The following HTR4 variants were observed in gnomAD, a reference collection of about 807,000 sequenced individuals.
HTR4 encodes the protein 5-hydroxytryptamine receptor 4, also known as 5-hydroxytryptamine (serotonin) receptor 4, G protein-coupled.
Under a neutral mutation model 36.8 loss-of-function variants are expected in HTR4, and 16 were observed. The observed-to-expected ratio is 0.43, with a 90% confidence interval of 0.29 to 0.66. The LOEUF is 0.66. HTR4 is among the 30% of genes least tolerant of loss of function. The pLI, the probability that HTR4 is intolerant of heterozygous loss-of-function variation, is 0.13. For missense variants in HTR4, 438 were observed against 490.9 expected, an observed-to-expected ratio of 0.89 and a Z score of 1.02; for synonymous variants, 189 against 185.1, an observed-to-expected ratio of 1.02 and a Z score of -0.17.
intron 6 of HTR4, among the ~76,000 whole-genome samples, chr5:148,507,460 A>G (rs1757279055): frequency 6.6e-6 from 1 of 151,808 alleles, no homozygotes; most frequent in Non-Finnish European, 1.5e-5. Flanking sequence ...CCAACATGGC[A>G]CATGTATACA....
At chr5:148,630,501 T>C (rs184535594) in intron 2 of HTR4, 2 of 152,290 alleles carry the variant, frequency 1.3e-5, no homozygotes, top group East Asian at 3.9e-4. Flanking sequence ...TATTGAAGGT[T>C]TTCTGTCATC....
Position 148,542,933 on chromosome 5 carries a change from C to T in HTR4, c.353+5735G>A, listed in dbSNP as rs534645653. Among the ~76,000 whole-genome samples the T allele has an allele frequency of 4.6e-5, 7 of 152,266 alleles. No individual in the cohort carries two copies. In the South Asian group the frequency reaches 1.5e-3, roughly 32 times the overall value. On this transcript the variant is annotated intron_variant, in intron 4 of 6. Transcript: ENST00000377888. ...TCCAGTGAGAACTGCTATTTCTTCA[C>T]ACCATATGTTTTTGGTAAAGCTGGG...
At chr5:148,525,806 G>A (rs1344307097) in intron 4 of HTR4, among the ~76,000 whole-genome samples, 1 of 152,192 alleles carries the variant, frequency 6.6e-6, no homozygotes, top group African/African-American at 2.4e-5. Context: ...CCAACTCTCA[G>A]TAACCTTGGA....
At chr5:148,634,545 A>G (rs1753455778) in intron 2 of HTR4, among the ~76,000 whole-genome samples, 2 of 152,230 alleles carry the variant, frequency 1.3e-5, no homozygotes, top group African/African-American at 4.8e-5. Flanking sequence ...ATACTAGTTT[A>G]TAGCCCATGC....
At chr5:148,623,053 AAG>A (rs1404443132) in intron 2 of HTR4, among the ~76,000 whole-genome samples, 1 of 152,136 alleles carries the variant, frequency 6.6e-6, no homozygotes, top group Non-Finnish European at 1.5e-5. Context: ...GAATGAGAAA[AAG>A]AGTGTTGGGC....
chr5:148,646,916 A>C (rs1044572392), intron 1 of HTR4, among the ~76,000 whole-genome samples: 5 of 152,336 alleles, frequency 3.3e-5, no homozygotes, highest in South Asian at 2.1e-4. Flanking sequence ...CAACAACAAC[A>C]AAAAACCCAG....
chr5:148,582,488 T>C (rs993271398), intron 2 of HTR4, among the ~76,000 whole-genome samples: 1 of 152,018 alleles, frequency 6.6e-6, no homozygotes, highest in South Asian at 2.1e-4. Context: ...TGGTCCCCAG[T>C]GTCTATTGCC....
chr5:148,517,302 T>C (rs141983743), intron 5 of HTR4, among the ~76,000 whole-genome samples: 208 of 152,280 alleles, frequency 1.4e-3, no homozygotes, highest in African/African-American at 4.7e-3. Context: ...TGTATCTACC[T>C]GCATTCCTCA....
At chr5:148,515,804 T>G (rs1347259031) in intron 5 of HTR4, among the ~76,000 whole-genome samples, 1 of 151,902 alleles carries the variant, frequency 6.6e-6, no homozygotes, top group African/African-American at 2.4e-5. Flanking sequence ...TTCTTCTTTA[T>G]TTAACCTGCT....
At chr5:148,546,822 A>C (rs1480771003) in intron 4 of HTR4, among the ~76,000 whole-genome samples, 2 of 152,198 alleles carry the variant, frequency 1.3e-5, no homozygotes, top group African/African-American at 4.8e-5. Context: ...TAGATTTTCT[A>C]CTTCCTTACA....
chr5:148,474,542 A>G (rs1301292085), downstream of HTR4, among the ~76,000 whole-genome samples: 1 of 152,208 alleles, frequency 6.6e-6, no homozygotes, highest in Non-Finnish European at 1.5e-5. Context: ...CCAAGTTTTT[A>G]AAAGTACAGA....
chr5:148,636,921 A>C (rs1753561381), intron 2 of HTR4, 68 bp downstream of exon 2: 1 of 1,014,534 alleles, frequency 9.9e-7, no homozygotes, highest in East Asian at 2.4e-5. Context: ...ACAACAACAG[A>C]TTTTTAGAGT....
intron 2 of HTR4, among the ~76,000 whole-genome samples, chr5:148,634,403 A>G (rs1158145726): frequency 1.3e-5 from 2 of 152,208 alleles, no homozygotes; most frequent in African/African-American, 4.8e-5. Flanking sequence ...ATATCATATA[A>G]AAGAAGGCAA....
At chr5:148,631,516 T>C (rs970999018) in intron 2 of HTR4, among the ~76,000 whole-genome samples, 7 of 152,166 alleles carry the variant, frequency 4.6e-5, no homozygotes, top group Non-Finnish European at 7.4e-5. Flanking sequence ...CTAACACACA[T>C]TGATTTTTTA....
chr5:148,543,956 G>A (rs773631733), intron 4 of HTR4, among the ~76,000 whole-genome samples: 68 of 152,146 alleles, frequency 4.5e-4, no homozygotes, highest in Non-Finnish European at 6.9e-4. Context: ...GGAACTCCCA[G>A]CACTGAAGCA....
At chr5:148,551,465 A>G (rs1759684947) in intron 2 of HTR4, among the ~76,000 whole-genome samples, 1 of 152,208 alleles carries the variant, frequency 6.6e-6, no homozygotes, top group South Asian at 2.1e-4. Context: ...TTAGTCTACA[A>G]ATGTTGCCTT....
At chr5:148,514,973 A>C in intron 5 of HTR4, among the ~76,000 whole-genome samples, 1 of 152,082 alleles carries the variant, frequency 6.6e-6, no homozygotes, top group East Asian at 1.9e-4. Flanking sequence ...GTTTTGATGC[A>C]GTCTGACAAC....
chr5:148,616,844 T>C (rs2127289134), intron 2 of HTR4, among the ~76,000 whole-genome samples: 1 of 152,250 alleles, frequency 6.6e-6, no homozygotes, highest in Non-Finnish European at 1.5e-5. Context: ...TAGTTTTTAA[T>C]GACTTCTGCA....
At chr5:148,547,729 A>G (rs902568414) in intron 4 of HTR4, among the ~76,000 whole-genome samples, 6 of 151,848 alleles carry the variant, frequency 4.0e-5, no homozygotes, top group African/African-American at 1.2e-4. Flanking sequence ...TTGTCCCTAT[A>G]AAAAATAAAT....
Sources: gnomAD v4.1 joint callset for allele counts (sites outside exome capture counted in the v4.1 genomes callset) on GRCh38, gnomAD v4.1.1 for gene constraint, MANE v1.5 for transcripts, NCBI Gene and HGNC (gene_info 2026-07-23, HGNC 2026-07-21) for gene names.